The following CCNB3 variants were observed in gnomAD, a reference collection of about 807,000 sequenced individuals.
CCNB3 encodes G2/mitotic-specific cyclin-B3.
A neutral mutation model predicts 68.0 loss-of-function variants in CCNB3; 12 were observed. That is an observed-to-expected ratio of 0.18 (90% confidence interval 0.11 to 0.29). The LOEUF (loss-of-function observed/expected upper bound fraction) is 0.29. Ranked by LOEUF, CCNB3 falls within the 10% of genes least tolerant of loss-of-function variation. CCNB3 has a pLI of 1.00. For synonymous variants in CCNB3, 354 were observed against 388.9 expected, an observed-to-expected ratio of 0.91 and a Z score of 1.06; for missense variants, 904 against 993.1, an observed-to-expected ratio of 0.91 and a Z score of 1.21.
intron 1 of CCNB3, among the ~76,000 whole-genome samples, chrX:50,279,463 AAT>A (rs1275505389): frequency 1.2e-5 from 1 of 82,082 alleles, no homozygotes; most frequent in Admixed American, 1.8e-4. Flanking sequence ...AATATATATA[AAT>A]ATATAAATAT....
chrX:50,224,951 A>G lies in CCNB3; in HGVS notation c.-113+20001A>G, dbSNP rs917413644. ...TTAATACCTTACAGGATTTTTGTGA[A>G]TGTTAGAACAGTTTCAAACATATAG... On this transcript the variant is annotated intron_variant, in intron 1 of 12. Coordinates refer to ENST00000376042, the MANE Select transcript of CCNB3 (RefSeq NM_033031.3). Among the ~76,000 whole-genome samples the G allele has an allele frequency of 5.4e-5, 6 of 111,868 alleles. No homozygotes were observed. The East Asian group carries it at 1.7e-3, about 31-fold the overall frequency.
At chrX:50,337,366 G>A (rs1179392563) in intron 8 of CCNB3, among the ~76,000 whole-genome samples, 1 of 110,649 alleles carries the variant, frequency 9.0e-6, no homozygotes, top group Non-Finnish European at 1.9e-5. Flanking sequence ...TCGGTGGGTG[G>A]AGTGACAGCC....
chrX:50,227,784 T>G (rs1312506952), intron 1 of CCNB3, among the ~76,000 whole-genome samples: 4 of 84,745 alleles, frequency 4.7e-5, no homozygotes, highest in African/African-American at 9.1e-5. Flanking sequence ...AGAGAATATA[T>G]ATAAATATAT....
intron 1 of CCNB3, among the ~76,000 whole-genome samples, chrX:50,280,029 T>C (rs1348524898): frequency 2.7e-4 from 20 of 73,897 alleles, no homozygotes; most frequent in African/African-American, 1.1e-3. Flanking sequence ...AGAATATATA[T>C]AAATATATAG....
chrX:50,313,393 G>C (rs890161310), intron 7 of CCNB3, among the ~76,000 whole-genome samples: 5 of 111,725 alleles, frequency 4.5e-5, no homozygotes, highest in Non-Finnish European at 9.4e-5. Flanking sequence ...TGTGAGCCTT[G>C]GTTCAGCAGT....
chrX:50,307,458 A>G (rs1315537406), intron 5 of CCNB3, among the ~76,000 whole-genome samples: 1 of 111,432 alleles, frequency 9.0e-6, no homozygotes, highest in South Asian at 3.8e-4. Flanking sequence ...CCATAGCTAG[A>G]CTATCTAAAG....
chrX:50,293,059 C>G (rs1450082743), intron 4 of CCNB3, among the ~76,000 whole-genome samples: 3 of 111,995 alleles, frequency 2.7e-5, no homozygotes, highest in African/African-American at 9.7e-5. Flanking sequence ...ATACATACGT[C>G]TGTATATACA....
chrX:50,222,197 G>A (rs1252093230), intron 1 of CCNB3, among the ~76,000 whole-genome samples: 1 of 111,290 alleles, frequency 9.0e-6, no homozygotes, highest in South Asian at 3.8e-4. Context: ...ACAGCACACC[G>A]ATGGGTCTTG....
At chrX:50,311,562 G>A in intron 6 of CCNB3, 66 bp downstream of exon 6, 2 of 828,326 alleles carry the variant, frequency 2.4e-6, no homozygotes, top group Middle Eastern at 5.9e-4. Context: ...GTGGCTGCTA[G>A]CAAAGTTGTT....
chrX:50,312,784 C>T (rs1921536571), intron 7 of CCNB3, 152 bp downstream of exon 7: 3 of 436,823 alleles, frequency 6.9e-6, no homozygotes, highest in Middle Eastern at 7.2e-4. Flanking sequence ...GTGAGTTGGA[C>T]ATTGTACTAA....
intron 1 of CCNB3, among the ~76,000 whole-genome samples, chrX:50,284,121 T>C (rs1473242688): frequency 9.0e-6 from 1 of 110,894 alleles, no homozygotes; most frequent in East Asian, 2.8e-4. Context: ...TAGCCATATA[T>C]TTTATTGGTT....
At chrX:50,322,821 C>T (rs1156432802) in intron 8 of CCNB3, among the ~76,000 whole-genome samples, 1 of 111,445 alleles carries the variant, frequency 9.0e-6, no homozygotes, top group Admixed American at 9.5e-5. Flanking sequence ...TGAAAAAATG[C>T]TCATCATCAC....
chrX:50,302,268 C>T (rs782004059), intron 5 of CCNB3, among the ~76,000 whole-genome samples: 17 of 111,817 alleles, frequency 1.5e-4, no homozygotes, highest in Non-Finnish European at 2.6e-4. Context: ...ATTTGGCTAT[C>T]TTGTCTCCAC....
In CCNB3 at chrX:50,310,172, A is replaced by G. The variant is rs1328154435; in HGVS notation, c.2003A>G (p.Glu668Gly). ...SLAIQEKATTEEEFSQELFSL... is the reference protein window; with the variant it reads ...SLAIQEKATTGEEFSQELFSL... ...GCCATCCAAGAGAAGGCTACCACTG[A>G]GGAGGAATTCTCTCAGGAACTATTT... is the stretch of plus-strand genomic sequence containing the variant. Residue 668 changes from glutamate (E) to glycine (G), a missense_variant, in exon 6 of 13, where the codon GAG becomes GGG. This residue lies in a region of CCNB3 where 619 missense variants were observed against 609.8 expected (regional missense o/e 1.02). Coordinates refer to ENST00000376042, the MANE Select transcript of CCNB3 (RefSeq NM_033031.3). The G allele has an allele frequency of 2.1e-5, 25 of 1,208,377 alleles. No individual in the cohort carries two copies. The highest frequency in any genetic ancestry group is 2.8e-5 in the Non-Finnish European group (25 of 893,773).
intron 4 of CCNB3, among the ~76,000 whole-genome samples, chrX:50,293,467 A>G (rs782292492): frequency 9.0e-5 from 10 of 110,676 alleles, no homozygotes; most frequent in Non-Finnish European, 1.5e-4. Flanking sequence ...TAGGTTGTCT[A>G]TTTGAGATCT....
intron 1 of CCNB3, among the ~76,000 whole-genome samples, chrX:50,227,780 T>C (rs1411884895): frequency 1.2e-5 from 1 of 80,151 alleles, no homozygotes; most frequent in South Asian, 5.7e-4. Flanking sequence ...ATATAGAGAA[T>C]ATATATAAAT....
At position 50,347,802 on chromosome X, in the gene CCNB3, G is replaced by A. The variant is rs782026354; in HGVS notation, c.3960+27G>A. ...TAAACACTTGCGAGATAGGGGTATAGGGGTAGAGATTTAAAAAGCAGAAGG... is the reference window on the plus strand; with the variant it reads ...TAAACACTTGCGAGATAGGGGTATAAGGGTAGAGATTTAAAAAGCAGAAGG... On this transcript the variant is annotated intron_variant, in intron 11 of 12. Transcript: ENST00000376042. The A allele has an allele frequency of 3.4e-6, 4 of 1,181,605 alleles. No homozygotes were observed. In the East Asian group the frequency reaches 1.2e-4, roughly 35 times the overall value.
chrX:50,207,787 A>C (rs782295940), intron 1 of CCNB3, among the ~76,000 whole-genome samples: 2 of 112,070 alleles, frequency 1.8e-5, no homozygotes, highest in East Asian at 5.6e-4. Context: ...CACTCATTTA[A>C]AGTGTACAAC....
rs782080579 is a variant in CCNB3 at position 50,309,079 on chromosome X, G to A, written c.910G>A (p.Val304Ile). ...GKICHFRKPP[V>I]LQTTICGAMS... The stretch of plus-strand genomic sequence containing the variant: ...GATATGCCACTTTAGGAAGCCACCA[G>A]TATTGCAGACAACCATCTGTGGAGC... The change falls in exon 6 of 13, where the codon GTA becomes ATA. Residue 304 changes from valine to isoleucine, a missense_variant. By Grantham distance (29) the Val-to-Ile change is conservative (BLOSUM62 3). Around this residue, in one of 2 missense-constraint regions of CCNB3, gnomAD observed 619 missense variants for 609.8 expected, o/e 1.02. Coordinates refer to ENST00000376042, the MANE Select transcript of CCNB3 (RefSeq NM_033031.3). 17 of 1,210,363 alleles carry A rather than the reference G, an allele frequency of 1.4e-5. No homozygotes were observed. Among genetic ancestry groups the A allele is most frequent in the Non-Finnish European group, 1.9e-5 (17 of 894,296 alleles).
Sources: allele counts gnomAD v4.1 joint callset (sites outside exome capture counted in the v4.1 genomes callset), GRCh38; gene constraint gnomAD v4.1.1; regional missense constraint gnomAD v4.1.1; transcripts MANE v1.5; gene names NCBI Gene and HGNC (gene_info 2026-07-23, HGNC 2026-07-21).